The following TMC1 variants were observed in gnomAD, a reference collection of about 807,000 sequenced individuals.
The protein encoded by TMC1 is transmembrane channel like 1, also known as transmembrane channel-like protein 1.
Under a neutral mutation model 105.8 loss-of-function variants are expected in TMC1, and 84 were observed. The ratio of observed to expected loss-of-function variants is 0.79; its 90% CI spans 0.67 to 0.95. TMC1 has a LOEUF of 0.95. Ranked by LOEUF, TMC1 falls within the 40% of genes least tolerant of loss-of-function variation. The pLI is 0.00. For missense variants in TMC1, 817 were observed against 914.1 expected (o/e 0.89, Z 1.37); for synonymous variants, 315 against 311.5 (o/e 1.01, Z -0.12).
In TMC1 at chr9:72,817,992, C is replaced by T. The variant is rs576222975; in HGVS notation, c.1763+1782C>T. On this transcript the variant is annotated intron_variant, in intron 19 of 23. Transcript: ENST00000297784. ...ACCATTATTCTATTATTCACCTTCACGTCAATGCTTGGCACAAATATTCTT... is the reference window on the plus strand; with the variant it reads ...ACCATTATTCTATTATTCACCTTCATGTCAATGCTTGGCACAAATATTCTT... Among the ~76,000 whole-genome samples the T allele has an allele frequency of 2.0e-4, 30 of 152,210 alleles. 1 individual carries two copies. In the South Asian group the frequency reaches 5.4e-3, roughly 27 times the overall value.
chr9:72,580,412 C>T (rs1824455323), intron 2 of TMC1, among the ~76,000 whole-genome samples: 1 of 152,190 alleles, frequency 6.6e-6, no homozygotes. Context: ...TCACATTGCT[C>T]ATGGTATCTG....
chr9:72,536,639 A>C (rs1048412865), intron 1 of TMC1, among the ~76,000 whole-genome samples: 3 of 152,054 alleles, frequency 2.0e-5, no homozygotes, highest in African/African-American at 7.2e-5. Flanking sequence ...GCCAGACATT[A>C]ATTCTTAAAA....
At chr9:72,754,763 G>T in intron 11 of TMC1, 23 bp from the exon 12 acceptor site, 1 of 1,571,570 alleles carries the variant, frequency 6.4e-7, no homozygotes, top group Non-Finnish European at 8.8e-7. Flanking sequence ...ATTGTTCACT[G>T]CTTTCTTTGC....
At chr9:72,645,683 G>A (rs147964413) in intron 4 of TMC1, among the ~76,000 whole-genome samples, 72 of 152,212 alleles carry the variant, frequency 4.7e-4, no homozygotes, top group African/African-American at 1.7e-3. Flanking sequence ...TCATTGTCAC[G>A]AAACAAGCTC....
Position 72,835,991 on chromosome 9 carries a change from C to T in TMC1, c.*18C>T. On this transcript the variant is annotated 3_prime_UTR_variant, in exon 24 of 24. Transcript: ENST00000297784. ...GCCAGTAATAAGTATCCTGAGAGCCCAGAAAAGGTACACTTTGCCTTGCTG... is the reference window on the plus strand; with the variant it reads ...GCCAGTAATAAGTATCCTGAGAGCCTAGAAAAGGTACACTTTGCCTTGCTG... The T allele has an allele frequency of 6.2e-7, 1 of 1,606,750 alleles. No homozygotes were observed. Among genetic ancestry groups the T allele is most frequent in the Middle Eastern group, 1.7e-4 (1 of 6,058 alleles).
At chr9:72,758,957 A>G (rs1387951190) in intron 12 of TMC1, among the ~76,000 whole-genome samples, 1 of 152,184 alleles carries the variant, frequency 6.6e-6, no homozygotes, top group East Asian at 1.9e-4. Flanking sequence ...TGCATCAAGA[A>G]ATGGAAGGCA....
chr9:72,680,807 G>A (rs1826274344), intron 5 of TMC1, among the ~76,000 whole-genome samples: 2 of 152,124 alleles, frequency 1.3e-5, no homozygotes, highest in Admixed American at 1.3e-4. Flanking sequence ...GTGAACAAAA[G>A]CAGTGCTACA....
At chr9:72,627,109 A>G (rs1296410386) in intron 3 of TMC1, among the ~76,000 whole-genome samples, 1 of 151,284 alleles carries the variant, frequency 6.6e-6, no homozygotes, top group Non-Finnish European at 1.5e-5. Flanking sequence ...CAATTAAAAT[A>G]GTTCATCATT....
At chr9:72,531,875 C>T (rs148663956) in intron 1 of TMC1, among the ~76,000 whole-genome samples, 21 of 152,282 alleles carry the variant, frequency 1.4e-4, no homozygotes, top group African/African-American at 4.6e-4. Flanking sequence ...CTGTATCTGG[C>T]TGGCAATTCA....
intron 3 of TMC1, among the ~76,000 whole-genome samples, chr9:72,625,557 G>A (rs974347328): frequency 2.0e-5 from 3 of 151,942 alleles, no homozygotes; most frequent in African/African-American, 4.8e-5. Flanking sequence ...GCGTGGTGGC[G>A]GGTGCCTATA....
intron 8 of TMC1, among the ~76,000 whole-genome samples, chr9:72,723,446 T>G (rs1443604708): frequency 1.3e-5 from 2 of 152,228 alleles, no homozygotes; most frequent in Non-Finnish European, 2.9e-5. Flanking sequence ...ATCATTTTCA[T>G]TCTATTGGAA....
chr9:72,595,833 C>G (rs961332440), intron 2 of TMC1, among the ~76,000 whole-genome samples: 1 of 149,598 alleles, frequency 6.7e-6, no homozygotes, highest in Non-Finnish European at 1.5e-5. Context: ...TGCACCACCA[C>G]GCTGGCTAAT....
At chr9:72,805,853 G>T (rs1424575973) in intron 18 of TMC1, among the ~76,000 whole-genome samples, 1 of 152,152 alleles carries the variant, frequency 6.6e-6, no homozygotes, top group African/African-American at 2.4e-5. Context: ...GAGAGCACAG[G>T]GTTGGGGGCA....
intron 12 of TMC1, among the ~76,000 whole-genome samples, chr9:72,763,079 C>A (rs887062042): frequency 7.2e-6 from 1 of 139,208 alleles, no homozygotes; most frequent in African/African-American, 2.7e-5. Context: ...GAAGTCCTAG[C>A]GATGCCTTTT....
chr9:72,790,481 CTAAGTTTGCTTTCAAAATGGT>C (rs1828248828), intron 15 of TMC1, among the ~76,000 whole-genome samples: 1 of 152,070 alleles, frequency 6.6e-6, no homozygotes, highest in East Asian at 1.9e-4. Flanking sequence ...AAAGCATTTA[CTAAGTTTGCTTTCAAAATGGT>C]CTCATAATTG....
chr9:72,649,449 A>G (rs950338616), intron 5 of TMC1, among the ~76,000 whole-genome samples: 1 of 152,184 alleles, frequency 6.6e-6, no homozygotes, highest in African/African-American at 2.4e-5. Context: ...TAGCTTACTC[A>G]TTTAATCTTA....
chr9:72,829,664 G>A lies in TMC1; in HGVS notation c.2130-787G>A, dbSNP rs547980176. On this transcript the variant is annotated intron_variant, in intron 21 of 23. Transcript: ENST00000297784. ...ATAATTGTGTTGCTAGCACCAGATG[G>A]TTCATAAAGGATACTGTCTTTCATT... 3.8e-3 allele frequency among the ~76,000 whole-genome samples: 575 copies of A among 152,270 alleles called. 2 individuals carry two copies. The highest frequency in any genetic ancestry group is 0.013 in the African/African-American group (550 of 41,558).
chr9:72,730,278 G>A (rs1024548082), intron 8 of TMC1, among the ~76,000 whole-genome samples: 2 of 152,044 alleles, frequency 1.3e-5, no homozygotes, highest in Non-Finnish European at 2.9e-5. Flanking sequence ...GCCTGCCCTG[G>A]GGAAGGGGAA....
chr9:72,608,609 A>G (rs562118239), intron 2 of TMC1, among the ~76,000 whole-genome samples: 1 of 151,878 alleles, frequency 6.6e-6, no homozygotes, highest in African/African-American at 2.4e-5. Context: ...CGGGAGGCTG[A>G]GGCAGGAGAA....
Sources: allele counts gnomAD v4.1 joint callset (sites outside exome capture counted in the v4.1 genomes callset), GRCh38; gene constraint gnomAD v4.1.1; transcripts MANE v1.5; gene names NCBI Gene and HGNC (gene_info 2026-07-23, HGNC 2026-07-21).